Variants in CTNNA2 observed in about 807,000 individuals in gnomAD.
The protein encoded by CTNNA2 is catenin alpha-2.
CTNNA2 carries 42 observed loss-of-function variants against 101.0 expected under a neutral mutation model. The observed-to-expected ratio is 0.42, with a 90% CI of 0.32 to 0.54. The LOEUF (loss-of-function observed/expected upper bound fraction) is 0.54, where lower values mean the gene tolerates loss of function less well. Ranked by LOEUF, CTNNA2 falls within the 20% of genes least tolerant of loss-of-function variation. The probability of loss-of-function intolerance (pLI) is 0.14; values close to 1 mark genes in which losing one functional copy is unlikely to be tolerated. For synonymous variants in CTNNA2, 450 were observed against 456.4 expected, an observed-to-expected ratio of 0.99 and a Z score of 0.18; for missense variants, 871 against 1,223.1, an observed-to-expected ratio of 0.71 and a Z score of 4.29.
intron 3 of CTNNA2, among the ~76,000 whole-genome samples, chr2:79,850,852 CTAT>C (rs1175135699): frequency 6.6e-6 from 1 of 152,084 alleles, no homozygotes; most frequent in Non-Finnish European, 1.5e-5. Flanking sequence ...AAAAAGAGAG[CTAT>C]TATTATTATA....
chr2:79,365,778 G>A (rs542166739), intron 3 of CTNNA2, among the ~76,000 whole-genome samples: 1 of 152,120 alleles, frequency 6.6e-6, no homozygotes, highest in Admixed American at 6.5e-5. Context: ...TCTTTCAGCC[G>A]CAGCAACTTT....
chr2:79,539,926 C>A (rs1293749221), intron 1 of CTNNA2, among the ~76,000 whole-genome samples: 1 of 152,108 alleles, frequency 6.6e-6, no homozygotes, highest in Non-Finnish European at 1.5e-5. Flanking sequence ...CCACCCAGGT[C>A]TTGTTTCTTG....
At chr2:79,431,509 CT>C (rs543688753) in intron 4 of CTNNA2, among the ~76,000 whole-genome samples, 68 of 152,126 alleles carry the variant, frequency 4.5e-4, no homozygotes, top group Admixed American at 7.9e-4. Flanking sequence ...AAACTATTCG[CT>C]CTTAAAACTT....
chr2:79,744,703 C>G (rs1198055967), intron 3 of CTNNA2, 121 bp downstream of exon 3: 1 of 916,308 alleles, frequency 1.1e-6, no homozygotes, highest in Non-Finnish European at 1.6e-6. Context: ...TCCTTTCTAT[C>G]TACACTTGTC....
chr2:80,460,560 C>A (rs1416418793), intron 9 of CTNNA2, among the ~76,000 whole-genome samples: 4 of 152,010 alleles, frequency 2.6e-5, no homozygotes, highest in Non-Finnish European at 1.5e-5. Context: ...CTTCTTCTTT[C>A]CCTCCCTATC....
intron 7 of CTNNA2, among the ~76,000 whole-genome samples, chr2:80,276,237 C>A (rs1673890839): frequency 6.6e-6 from 1 of 152,102 alleles, no homozygotes; most frequent in Admixed American, 6.5e-5. Context: ...AAACTAACTA[C>A]CTGAAGTTAG....
intron 7 of CTNNA2, among the ~76,000 whole-genome samples, chr2:80,242,063 A>G (rs1558934580): frequency 6.6e-6 from 1 of 152,212 alleles, no homozygotes; most frequent in Non-Finnish European, 1.5e-5. Flanking sequence ...ACAGTTGAAA[A>G]CAAAATCACC....
At chr2:80,487,568 A>G (rs186598775) in intron 9 of CTNNA2, among the ~76,000 whole-genome samples, 1 of 152,270 alleles carries the variant, frequency 6.6e-6, no homozygotes, top group East Asian at 1.9e-4. Flanking sequence ...CTCATTTACT[A>G]TCACGAGAAT....
chr2:79,585,417 T>G (rs1426854904), intron 1 of CTNNA2, among the ~76,000 whole-genome samples: 1 of 151,992 alleles, frequency 6.6e-6, no homozygotes, highest in Non-Finnish European at 1.5e-5. Context: ...AGTGGATGTA[T>G]TTTTCCTATT....
At chr2:79,194,897 A>G (rs1673938990) in intron 1 of CTNNA2, among the ~76,000 whole-genome samples, 1 of 152,104 alleles carries the variant, frequency 6.6e-6, no homozygotes, top group African/African-American at 2.4e-5. Context: ...TTTCTCAGAG[A>G]AAATTGTTCT....
intron 3 of CTNNA2, among the ~76,000 whole-genome samples, chr2:79,325,988 G>T (rs1327045566): frequency 1.3e-5 from 2 of 152,166 alleles, no homozygotes; most frequent in African/African-American, 4.8e-5. Context: ...TAGAGTCAGT[G>T]TATGCCTAGA....
chr2:79,342,228 C>G (rs55774537), intron 3 of CTNNA2, among the ~76,000 whole-genome samples: 18,800 of 152,148 alleles, frequency 0.12, 1,404 homozygotes, highest in East Asian at 0.38. Flanking sequence ...AATATAGGCT[C>G]TTCCTGATGC....
intron 2 of CTNNA2, among the ~76,000 whole-genome samples, chr2:79,246,809 G>T (rs1674706413): frequency 6.6e-6 from 1 of 152,210 alleles, no homozygotes; most frequent in African/African-American, 2.4e-5. Context: ...AAGTTTTTAT[G>T]ATTTCTTTGG....
At chr2:80,150,862 G>T (rs1558855553) in intron 7 of CTNNA2, among the ~76,000 whole-genome samples, 3 of 152,194 alleles carry the variant, frequency 2.0e-5, no homozygotes, top group East Asian at 1.9e-4. Flanking sequence ...TTTTCAGGCA[G>T]ATCATGGAAC....
At chr2:79,597,015 A>G (rs538215687) in intron 1 of CTNNA2, among the ~76,000 whole-genome samples, 1 of 152,308 alleles carries the variant, frequency 6.6e-6, no homozygotes, top group Admixed American at 6.5e-5. Context: ...CCTTGCATAG[A>G]GCTGCACAGA....
intron 2 of CTNNA2, among the ~76,000 whole-genome samples, chr2:79,724,052 A>G (rs17017701): frequency 5.3e-5 from 8 of 152,122 alleles, no homozygotes; most frequent in Non-Finnish European, 1.2e-4. Context: ...CTCAACCACC[A>G]TCTCAGTTCT....
chr2:80,209,002 G>C (rs1356816027), intron 7 of CTNNA2, among the ~76,000 whole-genome samples: 1 of 152,080 alleles, frequency 6.6e-6, no homozygotes, highest in Non-Finnish European at 1.5e-5. Flanking sequence ...TTAAAGAAAA[G>C]AACACACATA....
chr2:80,339,186 T>C (rs1436865083), intron 7 of CTNNA2, among the ~76,000 whole-genome samples: 1 of 152,084 alleles, frequency 6.6e-6, no homozygotes, highest in Non-Finnish European at 1.5e-5. Flanking sequence ...TGTGTGTGTG[T>C]GCACATGTGT....
At chr2:80,552,809 G>A (rs1274216516) in intron 11 of CTNNA2, among the ~76,000 whole-genome samples, 1 of 152,122 alleles carries the variant, frequency 6.6e-6, no homozygotes, top group Non-Finnish European at 1.5e-5. Flanking sequence ...TAAAAGTACG[G>A]TAAAAATATG....
Sources: allele counts gnomAD v4.1 joint callset (sites outside exome capture counted in the v4.1 genomes callset), GRCh38; gene constraint gnomAD v4.1.1; transcripts MANE v1.5; gene names NCBI Gene and HGNC (gene_info 2026-07-23, HGNC 2026-07-21).